ATAD2B: variants seen among roughly 807,000 people sequenced by gnomAD.
ATAD2B encodes ATPase family AAA domain-containing protein 2B.
In ATAD2B, 40 loss-of-function variants were observed where a neutral mutation model predicts 167.6. The ratio of observed to expected loss-of-function variants is 0.24; its 90% CI spans 0.19 to 0.31. ATAD2B has a LOEUF of 0.31. Among genes scored for constraint, ATAD2B ranks in the 10% least tolerant of loss-of-function variants. The pLI, the probability that ATAD2B is intolerant of heterozygous loss-of-function variation, is 1.00. For synonymous variants in ATAD2B, 579 were observed against 596.5 expected (o/e 0.97, Z 0.43); for missense variants, 1,242 against 1,757.2 (o/e 0.71, Z 5.24).
the ATAD2B span, chr2:23,691,530 T>G: frequency 1.6e-6 from 1 of 640,578 alleles, no homozygotes; most frequent in Non-Finnish European, 2.7e-6. Flanking sequence ...TGTCACAGCA[T>G]TAGGTTCAGG....
Position 23,781,557 on chromosome 2 carries a change from C to T in ATAD2B, c.3133+1312G>A, listed in dbSNP as rs555201063. Among the ~76,000 whole-genome samples the T allele has an allele frequency of 3.3e-5, 5 of 151,734 alleles. No individual in the cohort carries two copies. The South Asian group carries it at 8.3e-4, about 25-fold the overall frequency. On this transcript the variant is annotated intron_variant, in intron 22 of 27. Coordinates refer to ENST00000238789, the MANE Select transcript of ATAD2B (RefSeq NM_017552.4). ...GCAGGTGCCTGAAATCCCAGCTACT[C>T]GGGAGGCTGAGCCAGGAGAATCACT...
chr2:23,764,184 CA>C (rs1677109074), intron 23 of ATAD2B, among the ~76,000 whole-genome samples: 1 of 152,170 alleles, frequency 6.6e-6, no homozygotes. Context: ...AAACCATTTT[CA>C]AATGGGCTCC....
chr2:23,764,240 G>T (rs894633013), intron 23 of ATAD2B, among the ~76,000 whole-genome samples: 1 of 152,160 alleles, frequency 6.6e-6, no homozygotes, highest in Non-Finnish European at 1.5e-5. Context: ...CTGGCACATT[G>T]AAACCATGTT....
At chr2:23,813,293 A>C (rs1685905328) in intron 17 of ATAD2B, among the ~76,000 whole-genome samples, 1 of 100,094 alleles carries the variant, frequency 1.0e-5, no homozygotes, top group Admixed American at 1.2e-4. Flanking sequence ...TAAAATATTT[A>C]TAAGTCATAT....
At chr2:23,808,027 TA>T in intron 18 of ATAD2B, among the ~76,000 whole-genome samples, 1 of 50,656 alleles carries the variant, frequency 2.0e-5, no homozygotes, top group Non-Finnish European at 3.8e-5. Context: ...ATTTATTTAT[TA>T]TATATGTAAT....
intron 5 of ATAD2B, 147 bp downstream of exon 5, chr2:23,885,580 A>C: frequency 1.9e-6 from 1 of 536,614 alleles, no homozygotes; most frequent in Non-Finnish European, 3.3e-6. Flanking sequence ...AGAAACAAGC[A>C]AGCAATAAAA....
At chr2:23,765,418 C>T in intron 23 of ATAD2B, 88 bp downstream of exon 23, 2 of 1,081,598 alleles carry the variant, frequency 1.8e-6, no homozygotes, top group Non-Finnish European at 2.5e-6. Context: ...TTCATAATAC[C>T]AGCAATCCTA....
chr2:23,770,026 T>C (rs931083594), intron 22 of ATAD2B, among the ~76,000 whole-genome samples: 1 of 151,492 alleles, frequency 6.6e-6, no homozygotes, highest in East Asian at 2.0e-4. Context: ...ATTAATGAGG[T>C]TGACCGGACA....
At chr2:23,681,541 G>A in the ATAD2B span, among the ~76,000 whole-genome samples, 1 of 152,168 alleles carries the variant, frequency 6.6e-6, no homozygotes, top group Non-Finnish European at 1.5e-5. The surrounding 1 kb of genome is among the most constrained non-coding windows in gnomAD (Gnocchi z 4.2). Context: ...TGTTTTCCAG[G>A]CCCCTAAGCA....
the ATAD2B span, among the ~76,000 whole-genome samples, chr2:23,682,701 C>T: frequency 9.2e-5 from 14 of 152,202 alleles, no homozygotes; most frequent in Admixed American, 3.3e-4. This position sits in a 1 kb window ranked among gnomAD's most constrained non-coding sequence, Gnocchi z 4.1. Flanking sequence ...CACCCTCCCG[C>T]GCCCTCCCAC....
chr2:23,736,170 T>C, the ATAD2B span, among the ~76,000 whole-genome samples: 1 of 152,202 alleles, frequency 6.6e-6, no homozygotes, highest in African/African-American at 2.4e-5. Flanking sequence ...TTTGCATTAA[T>C]TATTTCTCAT....
intron 17 of ATAD2B, among the ~76,000 whole-genome samples, chr2:23,812,601 G>A (rs762362435): frequency 4.6e-5 from 7 of 152,062 alleles, no homozygotes; most frequent in African/African-American, 1.4e-4. Flanking sequence ...AGTGGCTCAC[G>A]CCTGTAATCC....
At chr2:23,740,192 C>T in the ATAD2B span, among the ~76,000 whole-genome samples, 1 of 152,220 alleles carries the variant, frequency 6.6e-6, no homozygotes, top group Non-Finnish European at 1.5e-5. Flanking sequence ...TCCTCCCTAA[C>T]TCATTTTATG....
chr2:23,777,814 T>C (rs1046903331), intron 22 of ATAD2B, among the ~76,000 whole-genome samples: 1 of 152,210 alleles, frequency 6.6e-6, no homozygotes, highest in Non-Finnish European at 1.5e-5. Flanking sequence ...TATCTGATAC[T>C]GGTCACATTT....
chr2:23,700,542 G>A, the ATAD2B span, among the ~76,000 whole-genome samples: 9 of 152,170 alleles, frequency 5.9e-5, no homozygotes, highest in Admixed American at 5.9e-4. This position sits in a 1 kb window ranked among gnomAD's most constrained non-coding sequence, Gnocchi z 4.6. Context: ...AGCCAAGTGG[G>A]AGGAGTGACA....
the ATAD2B span, among the ~76,000 whole-genome samples, chr2:23,701,783 CTTTTTTTTGCTTT>C: frequency 4.2e-5 from 5 of 118,492 alleles, no homozygotes; most frequent in African/African-American, 1.6e-4. Flanking sequence ...GCACACATGG[CTTTTTTTTGCTTT>C]TTTTTTTTTT....
At chr2:23,914,787 G>T (rs555615497) in intron 1 of ATAD2B, among the ~76,000 whole-genome samples, 2 of 151,000 alleles carry the variant, frequency 1.3e-5, no homozygotes, top group Admixed American at 1.3e-4. Flanking sequence ...AAACTGCAGT[G>T]AGCCAAGATC....
downstream of ATAD2B, chr2:23,748,578 C>A (rs1675045673): frequency 2.0e-5 from 3 of 152,204 alleles, 1 homozygote; most frequent in South Asian, 6.2e-4. Flanking sequence ...CAGCAATATG[C>A]CTCTCTCTAA....
chr2:23,832,257 C>T lies in ATAD2B; in HGVS notation c.1728+1662G>A, dbSNP rs776887705. 6.4e-6 allele frequency: 3 copies of T among 468,056 alleles called. No homozygotes were observed. The Admixed American group carries it at 7.1e-5, about 11-fold the overall frequency. 29.0% of individuals were successfully genotyped at this position (468,056 alleles called of 1,614,324 possible). A position where few individuals can be genotyped will look rare whatever the true frequency, so the allele number is the denominator to read the frequency against. On this transcript the variant is annotated intron_variant, in intron 14 of 27. Transcript: ENST00000238789. Reference sequence around the variant, plus strand: ...AAGACTTGGTAATCTCATCTAGTCTCGGGACCTTAAAAACTATTTAAGGGA... The same window carrying T: ...AAGACTTGGTAATCTCATCTAGTCTTGGGACCTTAAAAACTATTTAAGGGA...
Sources: allele counts gnomAD v4.1 joint callset (sites outside exome capture counted in the v4.1 genomes callset), GRCh38; gene constraint gnomAD v4.1.1; non-coding constraint Gnocchi (gnomAD v3.1); transcripts MANE v1.5; gene names NCBI Gene and HGNC (gene_info 2026-07-23, HGNC 2026-07-21).